PCDH15: variants seen among roughly 807,000 people sequenced by gnomAD.
The protein encoded by PCDH15 is protocadherin related 15.
A neutral mutation model predicts 178.5 loss-of-function variants in PCDH15; 129 were observed. That is an observed-to-expected ratio of 0.72 (90% CI 0.63 to 0.84). The LOEUF (loss-of-function observed/expected upper bound fraction) is 0.84. PCDH15 is among the 40% of genes least tolerant of loss of function. The pLI is 0.00. For synonymous variants in PCDH15, 800 were observed against 732.0 expected (o/e 1.09, Z -1.50); for missense variants, 2,230 against 2,099.9 (o/e 1.06, Z -1.21).
At chr10:55,527,802 G>A (rs1841335585) in intron 2 of PCDH15, among the ~76,000 whole-genome samples, 3 of 151,916 alleles carry the variant, frequency 2.0e-5, no homozygotes, top group Admixed American at 2.0e-4. Context: ...TTTTTAAAGT[G>A]CATCCATTAT....
At chr10:54,729,780 G>A (rs890311351) in intron 1 of PCDH15, among the ~76,000 whole-genome samples, 1 of 151,542 alleles carries the variant, frequency 6.6e-6, no homozygotes, top group Non-Finnish European at 1.5e-5. Flanking sequence ...AGACATATAT[G>A]CAGTAAACAA....
At chr10:55,394,676 G>A (rs565430799) in intron 2 of PCDH15, among the ~76,000 whole-genome samples, 64 of 149,672 alleles carry the variant, frequency 4.3e-4, no homozygotes, top group African/African-American at 1.6e-3. Flanking sequence ...ACATCTTCCA[G>A]TAGAAAATTA....
chr10:55,452,047 A>C (rs978627339), intron 2 of PCDH15, among the ~76,000 whole-genome samples: 2 of 152,206 alleles, frequency 1.3e-5, no homozygotes, highest in Non-Finnish European at 2.9e-5. Context: ...TGTCTTAAAA[A>C]TGTTGTATAT....
chr10:54,491,048 T>C (rs555417477), intron 3 of PCDH15, among the ~76,000 whole-genome samples: 13 of 152,244 alleles, frequency 8.5e-5, no homozygotes, highest in African/African-American at 2.9e-4. Context: ...CTTTAGGAAA[T>C]GCACTAACGT....
chr10:53,982,200 G>T (rs1272607638), intron 21 of PCDH15, among the ~76,000 whole-genome samples: 1 of 152,128 alleles, frequency 6.6e-6, no homozygotes, highest in Non-Finnish European at 1.5e-5. Flanking sequence ...GGAGAAATAG[G>T]AACACTTTTA....
chr10:54,263,026 A>T (rs1481699057), intron 8 of PCDH15, among the ~76,000 whole-genome samples: 2 of 152,224 alleles, frequency 1.3e-5, no homozygotes, highest in East Asian at 3.9e-4. Context: ...CCCTGCCTGG[A>T]GATCCTCTAC....
chr10:54,779,203 G>A (rs1404722434), intron 1 of PCDH15, among the ~76,000 whole-genome samples: 1 of 151,324 alleles, frequency 6.6e-6, no homozygotes, highest in African/African-American at 2.4e-5. Context: ...AAGTAACCAA[G>A]GGTAAATATA....
intron 3 of PCDH15, among the ~76,000 whole-genome samples, chr10:54,498,162 TAAAGAA>T (rs2080310875): frequency 6.6e-6 from 1 of 152,040 alleles, no homozygotes. Context: ...ACAGCATACT[TAAAGAA>T]AAGAAATTCC....
intron 8 of PCDH15, among the ~76,000 whole-genome samples, chr10:54,303,602 G>A (rs1019186628): frequency 5.3e-5 from 8 of 152,038 alleles, no homozygotes; most frequent in African/African-American, 1.4e-4. Context: ...ACAAGAGAAT[G>A]TAATTTTTAA....
chr10:54,841,719 A>G (rs1456007905), intron 3 of PCDH15, among the ~76,000 whole-genome samples: 1 of 151,842 alleles, frequency 6.6e-6, no homozygotes, highest in African/African-American at 2.4e-5. Context: ...TTTAAAGTTC[A>G]CCAATTACTT....
intron 1 of PCDH15, among the ~76,000 whole-genome samples, chr10:55,224,025 G>A (rs770021525): frequency 4.2e-4 from 64 of 152,024 alleles, no homozygotes; most frequent in Non-Finnish European, 8.1e-4. Flanking sequence ...GCTAAGGCAG[G>A]TGAATCACTT....
intron 2 of PCDH15, among the ~76,000 whole-genome samples, chr10:55,112,406 A>G (rs1376050774): frequency 2.6e-5 from 4 of 152,224 alleles, no homozygotes; most frequent in Admixed American, 2.0e-4. Flanking sequence ...GAATTGGGAA[A>G]GCGAAGCAGG....
intron 2 of PCDH15, among the ~76,000 whole-genome samples, chr10:54,908,910 C>T (rs1052943074): frequency 1.3e-5 from 2 of 152,094 alleles, no homozygotes; most frequent in Non-Finnish European, 2.9e-5. Context: ...GAATGCTCAG[C>T]TCTCAGCAGA....
chr10:54,116,259 T>C (rs558958232), intron 15 of PCDH15, among the ~76,000 whole-genome samples: 1 of 145,958 alleles, frequency 6.9e-6, no homozygotes, highest in Non-Finnish European at 1.5e-5. Flanking sequence ...AAAAAAGCCA[T>C]TTGAGTGGAT....
At chr10:54,739,457 T>G (rs752975305) in intron 1 of PCDH15, among the ~76,000 whole-genome samples, 3 of 151,712 alleles carry the variant, frequency 2.0e-5, no homozygotes, top group Non-Finnish European at 2.9e-5. Context: ...CCTCATGTTT[T>G]GGGATTGGAA....
At chr10:55,204,137 G>C (rs913263610) in intron 1 of PCDH15, among the ~76,000 whole-genome samples, 1 of 148,170 alleles carries the variant, frequency 6.7e-6, no homozygotes, top group African/African-American at 2.5e-5. Context: ...TATATTAAAT[G>C]TGTAATTTAA....
At chr10:54,960,855 C>T (rs1317409317) in intron 2 of PCDH15, among the ~76,000 whole-genome samples, 1 of 152,050 alleles carries the variant, frequency 6.6e-6, no homozygotes, top group Non-Finnish European at 1.5e-5. Flanking sequence ...TACAAGTGTA[C>T]AACGTAGGCT....
At chr10:55,411,829 G>A (rs1198832439) in intron 2 of PCDH15, among the ~76,000 whole-genome samples, 1 of 151,990 alleles carries the variant, frequency 6.6e-6, no homozygotes, top group Non-Finnish European at 1.5e-5. Context: ...CTCCTTCACA[G>A]ATAATCCTGC....
At chr10:54,469,101 C>CT in intron 3 of PCDH15, among the ~76,000 whole-genome samples, 1 of 152,050 alleles carries the variant, frequency 6.6e-6, no homozygotes, top group South Asian at 2.1e-4. Flanking sequence ...AAATTCATGT[C>CT]TTTTTGTTTG....
Sources: allele counts gnomAD v4.1 joint callset (sites outside exome capture counted in the v4.1 genomes callset), GRCh38; gene constraint gnomAD v4.1.1; transcripts MANE v1.5; gene names NCBI Gene and HGNC (gene_info 2026-07-23, HGNC 2026-07-21).